TOP1MT: variants seen among roughly 807,000 people sequenced by gnomAD.
TOP1MT encodes DNA topoisomerase I, mitochondrial.
Under a neutral mutation model 73.9 loss-of-function variants are expected in TOP1MT, and 80 were observed. The observed-to-expected ratio is 1.08, with a 90% confidence interval of 0.90 to 1.30. The LOEUF (loss-of-function observed/expected upper bound fraction) is 1.30. Ranked by LOEUF, TOP1MT falls within the 50% of genes most tolerant of loss-of-function variation. The pLI is 0.00. For synonymous variants in TOP1MT, 338 were observed against 326.4 expected (o/e 1.04, Z -0.38); for missense variants, 815 against 808.0 (o/e 1.01, Z -0.10).
At chr8:143,322,664 ACGC>A (rs1177402286) in intron 7 of TOP1MT, among the ~76,000 whole-genome samples, 3 of 108,266 alleles carry the variant, frequency 2.8e-5, no homozygotes, top group African/African-American at 4.2e-5. Context: ...CCACACACGC[ACGC>A]CACACACGCA....
intron 12 of TOP1MT, among the ~76,000 whole-genome samples, chr8:143,314,841 T>C (rs888157345): frequency 1.3e-5 from 2 of 152,152 alleles, no homozygotes; most frequent in Non-Finnish European, 1.5e-5. Context: ...TACTCTTTTT[T>C]CCAATATTAT....
chr8:143,326,327 C>A lies in TOP1MT; in HGVS notation c.378G>T (p.Glu126Asp). The A allele has an allele frequency of 6.2e-7, 1 of 1,614,018 alleles. No individual in the cohort carries two copies. The highest frequency in any genetic ancestry group is 8.5e-7 in the Non-Finnish European group (1 of 1,180,006). The change falls in exon 4 of 14, where the codon GAG becomes GAT. Residue 126 changes from glutamate to aspartate, a missense_variant. Coordinates refer to ENST00000329245, the MANE Select transcript of TOP1MT (RefSeq NM_052963.3). The stretch of plus-strand genomic sequence containing the variant: ...TGTCCAGGCTCTTGATGACTTCCCT[C>A]TCTTCCACCGCCATTTCCTGCAAAA... The part of the protein sequence containing the change: ...NDWRKEMAVE[E>D]REVIKSLDKC...
chr8:143,355,042 T>C (rs896330305), intron 1 of TOP1MT, among the ~76,000 whole-genome samples: 5 of 152,218 alleles, frequency 3.3e-5, no homozygotes, highest in African/African-American at 9.6e-5. Flanking sequence ...TTCAGCAGCC[T>C]GGGAGGTGTG....
At chr8:143,325,198 C>A in intron 5 of TOP1MT, 148 bp downstream of exon 5, 4 of 775,998 alleles carry the variant, frequency 5.2e-6, no homozygotes, top group Non-Finnish European at 7.9e-6. Flanking sequence ...CCCGGCCACG[C>A]CTACAGGCTG....
chr8:143,329,390 T>C lies in TOP1MT; in HGVS notation c.320A>G (p.Lys107Arg). 6.2e-7 allele frequency: 1 copy of C among 1,609,360 alleles called. No individual in the cohort carries two copies. Among genetic ancestry groups the C allele is most frequent in the South Asian group, 1.1e-5 (1 of 90,222 alleles). The change falls in exon 3 of 14, where the codon AAG (lysine) becomes AGG (arginine). Residue 107 changes from lysine (K) to arginine (R), a missense_variant. Coordinates refer to ENST00000329245, the MANE Select transcript of TOP1MT (RefSeq NM_052963.3). The part of the protein sequence containing the change: ...GRMLDHEYTT[K>R]EVFRKNFFND... ...GAAGAAGTTCTTCCGGAAAACCTCC[T>C]TTGTTGTGTATTCATGATCTAACAT...
At chr8:143,318,196 G>A in intron 8 of TOP1MT, 110 bp from the exon 9 acceptor site, 1 of 928,182 alleles carries the variant, frequency 1.1e-6, no homozygotes, top group East Asian at 2.5e-5. Flanking sequence ...CCCTGAGGAA[G>A]GTGGCCCGAG....
chr8:143,322,386 C>T (rs1586759338), intron 7 of TOP1MT, among the ~76,000 whole-genome samples: 2 of 101,480 alleles, frequency 2.0e-5, no homozygotes, highest in Non-Finnish European at 4.3e-5. Context: ...GCCACACACG[C>T]ACGCCACACA....
rs1816655901 is a variant in TOP1MT at position 143,324,633 on chromosome 8, C to A, written c.672-4G>T. ...CGGCTCGGGGATCTTCGAGTCCCTGCAGCAGAACAACGACCCAAACATAAC... is the reference window on the plus strand; with the variant it reads ...CGGCTCGGGGATCTTCGAGTCCCTGAAGCAGAACAACGACCCAAACATAAC... On this transcript the variant is annotated splice_polypyrimidine_tract_variant and splice_region_variant and intron_variant, in intron 5 of 13. Coordinates refer to ENST00000329245, the MANE Select transcript of TOP1MT (RefSeq NM_052963.3). 3 of 1,612,156 alleles carry A rather than the reference C, an allele frequency of 1.9e-6. No homozygotes were observed. The highest frequency in any genetic ancestry group is 2.5e-6 in the Non-Finnish European group (3 of 1,179,294).
intron 12 of TOP1MT, among the ~76,000 whole-genome samples, chr8:143,313,041 T>A (rs916515226): frequency 1.3e-5 from 2 of 152,106 alleles, no homozygotes; most frequent in African/African-American, 4.8e-5. Flanking sequence ...TGCTGAGACA[T>A]CTGGCTGTCC....
upstream of TOP1MT, among the ~76,000 whole-genome samples, chr8:143,356,994 T>G (rs1294266922): frequency 6.7e-6 from 1 of 148,466 alleles, no homozygotes; most frequent in Non-Finnish European, 1.5e-5. Context: ...CTCGGGAGGC[T>G]GAGGCAGGAG....
upstream of TOP1MT, chr8:143,359,191 T>A (rs918229349): frequency 4.1e-6 from 4 of 981,812 alleles, no homozygotes; most frequent in Admixed American, 2.5e-4. Flanking sequence ...GAAAATAGCC[T>A]GTTCTTGGGT....
chr8:143,349,493 A>G (rs1016448579), upstream of TOP1MT, among the ~76,000 whole-genome samples: 1 of 152,078 alleles, frequency 6.6e-6, no homozygotes, highest in Non-Finnish European at 1.5e-5. Flanking sequence ...TTTTCTTTCA[A>G]AACAATAGGT....
At chr8:143,337,116 G>A (rs1416389020), upstream of TOP1MT, among the ~76,000 whole-genome samples, 1 of 152,130 alleles carries the variant, frequency 6.6e-6, no homozygotes, top group Admixed American at 6.5e-5. Context: ...TTCACGGACT[G>A]GATGATTTCA....
At chr8:143,353,963 C>CA (rs1186472770) in intron 1 of TOP1MT, among the ~76,000 whole-genome samples, 37,453 of 47,584 alleles carry the variant, frequency 0.79, 16,771 homozygotes, top group South Asian at 0.89. Flanking sequence ...GACTCCATCC[C>CA]AAAAAAAAAA....
At chr8:143,356,831 C>A, upstream of TOP1MT, among the ~76,000 whole-genome samples, 1 of 146,608 alleles carries the variant, frequency 6.8e-6, no homozygotes, top group Non-Finnish European at 1.5e-5. Flanking sequence ...CAGTGGCTCA[C>A]GCCTGTAATC....
Position 143,341,374 on chromosome 8 carries a change from C to T in TOP1MT, c.29+1846G>A, listed in dbSNP as rs535596816. On this transcript the variant is annotated intron_variant, in intron 2 of 5. Coordinates refer to the TOP1MT transcript ENST00000518007. The surrounding 1 kb of genome is among the most constrained non-coding windows in gnomAD (Gnocchi z 4.1). ...TATCTCTTCTCTTGGGTGTCAGGACCCCGGGCACATCCACCAAGGGCCATC... is the reference window on the plus strand; with the variant it reads ...TATCTCTTCTCTTGGGTGTCAGGACTCCGGGCACATCCACCAAGGGCCATC... Among the ~76,000 whole-genome samples the T allele has an allele frequency of 6.6e-6, 1 of 152,330 alleles. No homozygotes were observed. Among genetic ancestry groups the T allele is most frequent in the East Asian group, 1.9e-4 (1 of 5,174 alleles).
At chr8:143,343,312 A>T (rs1817164794) in intron 1 of TOP1MT, 1 of 455,350 alleles carries the variant, frequency 2.2e-6, no homozygotes, top group Admixed American at 2.4e-5. Context: ...ATACATAAAC[A>T]TGCAGCTCTG....
upstream of TOP1MT, among the ~76,000 whole-genome samples, chr8:143,347,282 G>A (rs1040991080): frequency 7.2e-5 from 11 of 152,188 alleles, no homozygotes; most frequent in Admixed American, 7.2e-4. Flanking sequence ...AGCCTCCCAA[G>A]TAGCTGGGAC....
intron 2 of TOP1MT, 65 bp from the exon 3 acceptor site, chr8:143,329,536 A>G (rs1411956618): frequency 6.4e-7 from 1 of 1,566,812 alleles, no homozygotes; most frequent in Non-Finnish European, 8.6e-7. Flanking sequence ...AGCTGACATG[A>G]CCTCATTGCT....
Sources: gnomAD v4.1 joint callset for allele counts (sites outside exome capture counted in the v4.1 genomes callset) on GRCh38, gnomAD v4.1.1 for gene constraint, Gnocchi (gnomAD v3.1) non-coding constraint, MANE v1.5 for transcripts, NCBI Gene and HGNC (gene_info 2026-07-23, HGNC 2026-07-21) for gene names.